Variants in STON2 observed in about 807,000 individuals in gnomAD.
STON2 encodes the protein stonin-2.
Under a neutral mutation model 65.7 loss-of-function variants are expected in STON2, and 29 were observed. The ratio of observed to expected loss-of-function variants is 0.44; its 90% CI spans 0.33 to 0.60. The LOEUF (loss-of-function observed/expected upper bound fraction) is 0.60. STON2 is among the 20% of genes least tolerant of loss of function. STON2 has a pLI of 0.03. For synonymous variants in STON2, 404 were observed against 414.2 expected (o/e 0.98, Z 0.30); for missense variants, 1,054 against 1,118.1 (o/e 0.94, Z 0.82).
At chr14:81,336,034 T>C (rs548600004) in intron 4 of STON2, among the ~76,000 whole-genome samples, 14 of 151,932 alleles carry the variant, frequency 9.2e-5, no homozygotes, top group African/African-American at 3.1e-4. Context: ...TGGCAGAAGG[T>C]CAAGCAATCA....
intron 5 of STON2, among the ~76,000 whole-genome samples, chr14:81,315,226 G>A (rs116808329): frequency 3.9e-5 from 6 of 152,156 alleles, no homozygotes; most frequent in Admixed American, 2.0e-4. Context: ...GTTGCCAGGG[G>A]TTACATCTCA....
chr14:81,268,484 T>C lies in STON2; in HGVS notation c.2798A>G (p.Gln933Arg), dbSNP rs531418793. ...AHYSYQVEIE[Q>R]KKSLKPDFEG... ...AAAGTCCGGCTTCAAACTCTTTTTT[T>C]GCTCAATTTCCACCTGCCAAGAATA... Residue 933 changes from glutamine to arginine, a missense_variant, in exon 8 of 8, where the codon CAA (glutamine) becomes CGA (arginine). By Grantham distance (43) the Gln-to-Arg change is conservative (BLOSUM62 1). Transcript: ENST00000614646. 8 of 1,289,612 alleles carry C rather than the reference T, an allele frequency of 6.2e-6. No individual in the cohort carries two copies. The South Asian group carries it at 8.6e-5, about 14-fold the overall frequency. 79.9% of individuals were successfully genotyped at this position (1,289,612 alleles called of 1,614,324 possible). A position where few individuals can be genotyped will look rare whatever the true frequency, so the allele number is the denominator to read the frequency against.
At chr14:81,429,890 G>A (rs547972762) in intron 1 of STON2, among the ~76,000 whole-genome samples, 10 of 151,406 alleles carry the variant, frequency 6.6e-5, no homozygotes, top group Non-Finnish European at 1.2e-4. Context: ...AGCTGAGATC[G>A]CGCCACTGCA....
At chr14:81,360,122 C>T (rs1898425331) in intron 4 of STON2, among the ~76,000 whole-genome samples, 1 of 152,074 alleles carries the variant, frequency 6.6e-6, no homozygotes, top group Admixed American at 6.6e-5. Flanking sequence ...AGAAGAATTC[C>T]AATCCTCACA....
intron 5 of STON2, among the ~76,000 whole-genome samples, chr14:81,308,877 T>G (rs1896312247): frequency 3.8e-5 from 1 of 26,538 alleles, no homozygotes; most frequent in African/African-American, 1.7e-4. Context: ...CATACATACA[T>G]ACACTAAAGG....
chr14:81,434,790 TTA>T (rs1222339530), intron 1 of STON2, among the ~76,000 whole-genome samples: 5 of 152,170 alleles, frequency 3.3e-5, no homozygotes, highest in Non-Finnish European at 7.4e-5. Context: ...AACGGGCCAA[TTA>T]TTGACTTTTC....
intron 5 of STON2, among the ~76,000 whole-genome samples, chr14:81,315,615 C>T (rs117782229): frequency 0.016 from 2,412 of 152,346 alleles, 35 homozygotes; most frequent in South Asian, 0.033. Context: ...CTCCTGCTCC[C>T]GCAGAGAACA....
rs57821672 is a variant in STON2 at position 81,308,781 on chromosome 14, CATATATAT to C, written c.742+15228_742+15235del. On this transcript the variant is annotated intron_variant, in intron 5 of 7. Coordinates refer to ENST00000614646, the MANE Select transcript of STON2 (RefSeq NM_001394390.1). ...TTCACCCAGAGGACATGGTTTTACCCATATATATATATATATATATATATATATATATA... is the reference window on the plus strand; with the variant it reads ...TTCACCCAGAGGACATGGTTTTACCCATATATATATATATATATATATATA... Among the ~76,000 whole-genome samples the C allele has an allele frequency of 1.6e-3, 15 of 9,156 alleles. 2 individuals carry two copies. The highest frequency in any genetic ancestry group is 3.6e-3 in the South Asian group (1 of 276). 6.0% of individuals were successfully genotyped at this position (9,156 alleles called of 152,430 possible). A position where few individuals can be genotyped will look rare whatever the true frequency, so the allele number is the denominator to read the frequency against.
chr14:81,289,182 A>C (rs1036463622), intron 5 of STON2, among the ~76,000 whole-genome samples: 2 of 152,104 alleles, frequency 1.3e-5, no homozygotes, highest in African/African-American at 2.4e-5. Context: ...TATCAGTAGA[A>C]CCTAAAGTGG....
At chr14:81,288,135 C>A (rs1345763958) in intron 5 of STON2, among the ~76,000 whole-genome samples, 1 of 152,212 alleles carries the variant, frequency 6.6e-6, no homozygotes, top group Non-Finnish European at 1.5e-5. Flanking sequence ...GTGAAACCTG[C>A]AGAGACCCTA....
intron 4 of STON2, among the ~76,000 whole-genome samples, chr14:81,328,680 G>T (rs754725639): frequency 2.0e-5 from 3 of 152,142 alleles, no homozygotes; most frequent in Non-Finnish European, 4.4e-5. Context: ...CCTAATGGGG[G>T]ATGTATGGGT....
intron 5 of STON2, among the ~76,000 whole-genome samples, chr14:81,290,912 C>CT (rs899192660): frequency 6.6e-6 from 1 of 152,158 alleles, no homozygotes; most frequent in African/African-American, 2.4e-5. Context: ...AAGATAATCT[C>CT]TTAGAAAAAC....
At position 81,371,183 on chromosome 14, in the gene STON2, G is replaced by A. The variant is rs1898974152; in HGVS notation, c.376C>T (p.Leu126=). 6.2e-7 allele frequency: 1 copy of A among 1,613,514 alleles called. No homozygotes were observed. The highest frequency in any genetic ancestry group is 1.3e-5 in the African/African-American group (1 of 74,920). ...PPHQETAETA[L]PLTMPCWTCP... ...GTCCAGCAGGGCATGGTCAATGGTA[G>A]GGCTGGGGAGAGACCAAAAACCAAA... The change falls in exon 4 of 8, where the codon CTA becomes TTA. Residue 126 remains leucine (L), a splice_region_variant and synonymous_variant. Coordinates refer to ENST00000614646, the MANE Select transcript of STON2 (RefSeq NM_001394390.1).
chr14:81,365,601 C>T (rs976533548), intron 4 of STON2, among the ~76,000 whole-genome samples: 1 of 151,896 alleles, frequency 6.6e-6, no homozygotes, highest in Non-Finnish European at 1.5e-5. Flanking sequence ...ACTAAAAATA[C>T]AAAAATTAGC....
chr14:81,280,243 T>C (rs571463984), intron 5 of STON2, among the ~76,000 whole-genome samples: 28 of 152,270 alleles, frequency 1.8e-4, no homozygotes, highest in Middle Eastern at 3.4e-3. Context: ...ACTTTTTCAG[T>C]AACCTAAGGA....
In STON2 at chr14:81,320,721, C is replaced by A. The variant is rs1001986012; in HGVS notation, c.742+3296G>T. On this transcript the variant is annotated intron_variant, in intron 5 of 7. Coordinates refer to ENST00000614646, the MANE Select transcript of STON2 (RefSeq NM_001394390.1). ...GGGGTTAAGAAGACTGGATGACACT[C>A]CCCTCTTATGAGGATGTGTTCAGGA... Among the ~76,000 whole-genome samples the A allele has an allele frequency of 2.0e-5, 3 of 152,044 alleles. No homozygotes were observed. The South Asian group carries it at 6.2e-4, about 32-fold the overall frequency.
Position 81,264,522 on chromosome 14 carries a change from A to T in STON2, c.*3892T>A. 4.1e-6 allele frequency: 4 copies of T among 985,066 alleles called. No homozygotes were observed. The highest frequency in any genetic ancestry group is 4.8e-6 in the Non-Finnish European group (4 of 829,570). The allele number at this position is 985,066 out of a possible 1,614,324, so 61.0% of individuals were successfully genotyped here. ...CCTATTATATTCCAAGCTTTGTGCT[A>T]GGTGTTGGAAACACAAAAAATTATA... is the stretch of plus-strand genomic sequence containing the variant. On this transcript the variant is annotated 3_prime_UTR_variant, in exon 8 of 8. Transcript: ENST00000614646.
At position 81,426,571 on chromosome 14, in the gene STON2, C is replaced by T. The variant is rs367590085; in HGVS notation, c.-199+531G>A. ...CATCTAACAAGACTCTCACACTTAA[C>T]GCATCCAGATTTGACCAGCGACTCT... On this transcript the variant is annotated intron_variant, in intron 2 of 8. Transcript: ENST00000553821. Among the ~76,000 whole-genome samples, 12 of 152,256 alleles carry T rather than the reference C, an allele frequency of 7.9e-5. No homozygotes were observed. The South Asian group carries it at 2.1e-3, about 26-fold the overall frequency.
intron 2 of STON2, among the ~76,000 whole-genome samples, chr14:81,422,971 G>C (rs973551339): frequency 6.6e-6 from 1 of 151,724 alleles, no homozygotes; most frequent in Non-Finnish European, 1.5e-5. Flanking sequence ...GGAGGCGGAG[G>C]TTGCAGTGAG....
Sources: allele counts gnomAD v4.1 joint callset (sites outside exome capture counted in the v4.1 genomes callset), GRCh38; gene constraint gnomAD v4.1.1; transcripts MANE v1.5; gene names NCBI Gene and HGNC (gene_info 2026-07-23, HGNC 2026-07-21).